TPTE: variants seen among roughly 807,000 people sequenced by gnomAD.
TPTE encodes putative tyrosine-protein phosphatase TPTE.
In TPTE, 59 loss-of-function variants were observed where a neutral mutation model predicts 84.1. The observed-to-expected ratio is 0.70, with a 90% CI of 0.57 to 0.87. TPTE has a LOEUF of 0.87. TPTE is among the 40% of genes least tolerant of loss of function. The pLI, the probability that TPTE is intolerant of heterozygous loss-of-function variation, is 0.00. For missense variants in TPTE, 382 were observed against 659.6 expected (o/e 0.58, Z 4.61); for synonymous variants, 130 against 223.5 (o/e 0.58, Z 3.73).
intron 17 of TPTE, among the ~76,000 whole-genome samples, chr21:10,589,981 G>T (rs1600966558): frequency 6.6e-6 from 1 of 152,426 alleles, no homozygotes; most frequent in Non-Finnish European, 1.5e-5. Flanking sequence ...GGCACTTGGT[G>T]TTGATACATG....
At chr21:10,544,995 A>G (rs1225174446) in intron 7 of TPTE, among the ~76,000 whole-genome samples, 1 of 152,288 alleles carries the variant, frequency 6.6e-6, no homozygotes, top group Non-Finnish European at 1.5e-5. Context: ...CCATGTTTCA[A>G]ATAAATAACT....
At chr21:10,526,551 A>G (rs1348970423) in intron 2 of TPTE, among the ~76,000 whole-genome samples, 11 of 152,304 alleles carry the variant, frequency 7.2e-5, no homozygotes, top group African/African-American at 2.7e-4. Context: ...CAGCAAAAAA[A>G]TGTATGTGAT....
intron 17 of TPTE, among the ~76,000 whole-genome samples, chr21:10,585,832 A>G (rs1194652506): frequency 6.6e-6 from 1 of 152,306 alleles, no homozygotes; most frequent in Non-Finnish European, 1.5e-5. Flanking sequence ...TTTTCCCAGC[A>G]TTTGTCCATT....
chr21:10,594,864 A>AT (rs1413557727), intron 19 of TPTE, among the ~76,000 whole-genome samples: 1 of 152,310 alleles, frequency 6.6e-6, no homozygotes, highest in East Asian at 1.9e-4. Flanking sequence ...ACACCATCAC[A>AT]TTCTGATCCT....
intron 3 of TPTE, among the ~76,000 whole-genome samples, 169 bp downstream of exon 3, chr21:10,527,581 C>CG (rs2074102863): frequency 6.6e-6 from 1 of 152,308 alleles, no homozygotes; most frequent in South Asian, 2.1e-4. Flanking sequence ...GTTTGTGACT[C>CG]TAAGTAATTA....
At chr21:10,550,536 T>C (rs2074553460) in intron 7 of TPTE, among the ~76,000 whole-genome samples, 1 of 152,300 alleles carries the variant, frequency 6.6e-6, no homozygotes, top group Admixed American at 6.5e-5. Context: ...GAAATATAAT[T>C]GTAATATGTG....
intron 3 of TPTE, among the ~76,000 whole-genome samples, chr21:10,538,441 A>G (rs113978513): frequency 1.4e-4 from 21 of 152,406 alleles, no homozygotes; most frequent in Middle Eastern, 3.4e-3. Context: ...TGAGGTCATA[A>G]TAAAGAGGTT....
chr21:10,542,316 G>T (rs2074383374), intron 5 of TPTE, 79 bp from the exon 6 acceptor site: 1 of 1,538,294 alleles, frequency 6.5e-7, no homozygotes, highest in Non-Finnish European at 8.9e-7. Flanking sequence ...TCTGTCTAGA[G>T]TAATGAAAGG....
chr21:10,579,356 G>A (rs867317193), intron 17 of TPTE, among the ~76,000 whole-genome samples: 1,285 of 150,124 alleles, frequency 8.6e-3, no homozygotes, highest in African/African-American at 0.031. Flanking sequence ...CAGGTGTGGT[G>A]GCATGCACCT....
intron 7 of TPTE, among the ~76,000 whole-genome samples, chr21:10,548,705 A>G (rs1335920376): frequency 3.3e-5 from 5 of 152,294 alleles, no homozygotes; most frequent in Non-Finnish European, 5.9e-5. Flanking sequence ...CTATGCACCT[A>G]TATATTTGGT....
chr21:10,528,572 C>T (rs1017777504), intron 3 of TPTE, among the ~76,000 whole-genome samples: 1 of 152,306 alleles, frequency 6.6e-6, no homozygotes, highest in African/African-American at 2.4e-5. Flanking sequence ...AAGTAAAATG[C>T]AGCAACCTTA....
intron 17 of TPTE, among the ~76,000 whole-genome samples, chr21:10,583,795 T>C (rs2075311237): frequency 6.6e-6 from 1 of 152,312 alleles, no homozygotes; most frequent in African/African-American, 2.4e-5. Flanking sequence ...AGCACACTGG[T>C]TCAGAAGATT....
At chr21:10,587,538 AG>A (rs1225170639) in intron 17 of TPTE, among the ~76,000 whole-genome samples, 3 of 152,288 alleles carry the variant, frequency 2.0e-5, no homozygotes, top group African/African-American at 7.2e-5. Flanking sequence ...GATGCTGCAA[AG>A]GAAATGATTT....
intron 11 of TPTE, among the ~76,000 whole-genome samples, chr21:10,568,313 G>A (rs1232190037): frequency 4.6e-5 from 7 of 152,408 alleles, no homozygotes; most frequent in Middle Eastern, 3.4e-3. Context: ...TCAATCATGA[G>A]TTTCTAAAAA....
chr21:10,583,463 A>G (rs1453305204), intron 17 of TPTE, among the ~76,000 whole-genome samples: 1 of 152,298 alleles, frequency 6.6e-6, no homozygotes. Flanking sequence ...TTCTTTGTGT[A>G]TTCTGATTTC....
intron 2 of TPTE, among the ~76,000 whole-genome samples, chr21:10,526,789 G>T (rs1231190558): frequency 1.3e-5 from 2 of 152,156 alleles, no homozygotes; most frequent in Non-Finnish European, 1.5e-5. Flanking sequence ...TATTCAGCAT[G>T]GTTTTATGAA....
chr21:10,524,136 ATAGGAGG>A (rs1270623819), intron 1 of TPTE, among the ~76,000 whole-genome samples: 12 of 152,410 alleles, frequency 7.9e-5, no homozygotes, highest in African/African-American at 2.6e-4. Context: ...CTTATTCTCA[ATAGGAGG>A]TAAAGACCTA....
chr21:10,588,071 ACTC>A (rs1225630691), intron 17 of TPTE, among the ~76,000 whole-genome samples: 3 of 152,272 alleles, frequency 2.0e-5, no homozygotes, highest in African/African-American at 7.2e-5. Flanking sequence ...CTGGTCTTGA[ACTC>A]CTGACCTCAA....
chr21:10,598,384 G>T (rs1339354450), intron 21 of TPTE, among the ~76,000 whole-genome samples: 10 of 152,270 alleles, frequency 6.6e-5, no homozygotes, highest in African/African-American at 1.9e-4. Flanking sequence ...ATGTATTAAG[G>T]ATTTTAATTT....
Sources: allele counts gnomAD v4.1 joint callset (sites outside exome capture counted in the v4.1 genomes callset), GRCh38; gene constraint gnomAD v4.1.1; transcripts MANE v1.5; gene names NCBI Gene and HGNC (gene_info 2026-07-23, HGNC 2026-07-21).